CCDC85A: variants seen among roughly 807,000 people sequenced by gnomAD.
The protein encoded by CCDC85A is coiled-coil domain-containing protein 85A.
Under a neutral mutation model 50.2 loss-of-function variants are expected in CCDC85A, and 38 were observed. The observed-to-expected ratio is 0.76, with a 90% CI of 0.58 to 0.99. The LOEUF (loss-of-function observed/expected upper bound fraction) is 0.99. CCDC85A is among the 50% of genes least tolerant of loss of function. The pLI is 0.00. For synonymous variants in CCDC85A, 366 were observed against 301.4 expected, an observed-to-expected ratio of 1.21 and a Z score of -2.22; for missense variants, 820 against 742.0, an observed-to-expected ratio of 1.11 and a Z score of -1.22.
intron 2 of CCDC85A, among the ~76,000 whole-genome samples, chr2:56,221,832 C>G (rs184598916): frequency 6.6e-6 from 1 of 151,982 alleles, no homozygotes; most frequent in Non-Finnish European, 1.5e-5. Context: ...TTTTCTGCTG[C>G]TATAATAGAA....
At chr2:56,296,436 T>G (rs1213225779) in intron 2 of CCDC85A, among the ~76,000 whole-genome samples, 1 of 152,216 alleles carries the variant, frequency 6.6e-6, no homozygotes, top group Non-Finnish European at 1.5e-5. Context: ...GAGGACCTTT[T>G]GAAGCCTATG....
At chr2:56,316,572 A>T (rs1459512318) in intron 2 of CCDC85A, among the ~76,000 whole-genome samples, 1 of 151,950 alleles carries the variant, frequency 6.6e-6, no homozygotes, top group Non-Finnish European at 1.5e-5. Flanking sequence ...ATATGATCTT[A>T]GTACTCGAAA....
Position 56,192,863 on chromosome 2 carries a change from C to T in CCDC85A, c.663C>T (p.Ser221=), listed in dbSNP as rs1352861895. ...CCTCCAGCACTGGCAGCACTGACAG[C>T]CCGGACCACCACAAGCACCACGCGA... is the stretch of plus-strand genomic sequence containing the variant. The part of the protein sequence containing the change: ...SSTSSTGSTD[S]PDHHKHHASS... The change falls in exon 2 of 6, where the codon AGC becomes AGT. Residue 221 remains serine (S), a synonymous_variant. Transcript: ENST00000407595. The surrounding 1 kb of genome is among the most constrained non-coding windows in gnomAD (Gnocchi z 4.7). 1.2e-6 allele frequency: 2 copies of T among 1,613,124 alleles called. No homozygotes were observed. Among genetic ancestry groups the T allele is most frequent in the Admixed American group, 1.7e-5 (1 of 59,996 alleles).
intron 2 of CCDC85A, among the ~76,000 whole-genome samples, chr2:56,214,717 G>A (rs1028338500): frequency 7.2e-5 from 11 of 151,850 alleles, no homozygotes; most frequent in Non-Finnish European, 1.2e-4. Context: ...TGAGCTCTGT[G>A]TCCTATTTCA....
chr2:56,334,583 A>G (rs999690702), intron 2 of CCDC85A, among the ~76,000 whole-genome samples: 3 of 152,322 alleles, frequency 2.0e-5, no homozygotes, highest in South Asian at 4.1e-4. Context: ...GGCCTTCAGA[A>G]TTAAAGGGAT....
At chr2:56,216,714 G>A (rs1677408486) in intron 2 of CCDC85A, among the ~76,000 whole-genome samples, 1 of 145,590 alleles carries the variant, frequency 6.9e-6, no homozygotes, top group South Asian at 2.2e-4. Context: ...TTTTTTATTT[G>A]AACTTTGCCA....
chr2:56,221,333 C>T (rs773275054), intron 2 of CCDC85A, among the ~76,000 whole-genome samples: 14 of 151,916 alleles, frequency 9.2e-5, no homozygotes, highest in Non-Finnish European at 1.5e-4. Context: ...ATTTAACCGA[C>T]TTAACAGATT....
intron 2 of CCDC85A, among the ~76,000 whole-genome samples, chr2:56,305,294 A>G (rs1672393301): frequency 6.6e-6 from 1 of 152,182 alleles, no homozygotes; most frequent in Non-Finnish European, 1.5e-5. Flanking sequence ...ATACAGAATA[A>G]ACTTATTTGA....
Position 56,184,444 on chromosome 2 carries a change from A to C in CCDC85A, c.-181A>C. The C allele has an allele frequency of 4.9e-6, 3 of 617,238 alleles. No individual in the cohort carries two copies. Among genetic ancestry groups the C allele is most frequent in the Non-Finnish European group, 6.8e-6 (3 of 440,994 alleles). 38.2% of individuals were successfully genotyped at this position (617,238 alleles called of 1,614,324 possible). ...GGGGAGCGCGGGCGCGCGCGCGGGGATGGCGAGGTAGGATGGCCACCCAGC... is the reference window on the plus strand; with the variant it reads ...GGGGAGCGCGGGCGCGCGCGCGGGGCTGGCGAGGTAGGATGGCCACCCAGC... On this transcript the variant is annotated 5_prime_UTR_variant, in exon 1 of 6. An upstream start codon of the reference 5' UTR is lost. Transcript: ENST00000407595.
chr2:56,248,596 A>G (rs986917580), intron 2 of CCDC85A, among the ~76,000 whole-genome samples: 7 of 152,204 alleles, frequency 4.6e-5, no homozygotes, highest in African/African-American at 1.7e-4. Flanking sequence ...GTGGCTTCCG[A>G]CAAGGCAGAG....
At chr2:56,350,486 A>G (rs1024999155) in intron 3 of CCDC85A, among the ~76,000 whole-genome samples, 4 of 152,240 alleles carry the variant, frequency 2.6e-5, no homozygotes, top group Non-Finnish European at 5.9e-5. Context: ...GTAAGGTAAC[A>G]GGCTCATAGA....
In CCDC85A at chr2:56,265,067, A is replaced by T. The variant is rs74420183; in HGVS notation, c.1240+71627A>T. 4.2e-3 allele frequency among the ~76,000 whole-genome samples: 634 copies of T among 152,138 alleles called. 3 individuals carry two copies. The highest frequency in any genetic ancestry group is 0.015 in the African/African-American group (611 of 41,480). On this transcript the variant is annotated intron_variant, in intron 2 of 5. Transcript: ENST00000407595. ...CTTACCTTCCTTTATTTTTCTCCATAGCACTTGCCACTATGTGACTTCATG... is the reference window on the plus strand; with the variant it reads ...CTTACCTTCCTTTATTTTTCTCCATTGCACTTGCCACTATGTGACTTCATG...
chr2:56,310,950 T>A (rs756637188), intron 2 of CCDC85A, among the ~76,000 whole-genome samples: 9 of 152,212 alleles, frequency 5.9e-5, no homozygotes, highest in Non-Finnish European at 1.2e-4. Flanking sequence ...CAAGGAACTC[T>A]TAGTCCTTGC....
intron 3 of CCDC85A, among the ~76,000 whole-genome samples, chr2:56,354,826 T>G (rs1675140359): frequency 6.6e-6 from 1 of 152,204 alleles, no homozygotes; most frequent in Non-Finnish European, 1.5e-5. Context: ...TAGGGTTTAT[T>G]TTAGAATTAA....
intron 2 of CCDC85A, among the ~76,000 whole-genome samples, chr2:56,197,005 A>G (rs981590499): frequency 1.3e-5 from 2 of 152,174 alleles, no homozygotes; most frequent in South Asian, 2.1e-4. Context: ...ACTCCAGCCA[A>G]TGAGAGCAAG....
chr2:56,299,411 T>C (rs370099827), intron 2 of CCDC85A, among the ~76,000 whole-genome samples: 6 of 152,314 alleles, frequency 3.9e-5, no homozygotes, highest in Admixed American at 1.3e-4. Flanking sequence ...TGTTCTTGCC[T>C]GGATGCATCT....
chr2:56,307,273 A>G (rs1045524710), intron 2 of CCDC85A, among the ~76,000 whole-genome samples: 2 of 152,186 alleles, frequency 1.3e-5, no homozygotes, highest in Non-Finnish European at 2.9e-5. Flanking sequence ...AAAATGATAG[A>G]TAAAGTTTGT....
intron 2 of CCDC85A, among the ~76,000 whole-genome samples, chr2:56,251,321 T>A (rs1242459590): frequency 6.6e-6 from 1 of 152,184 alleles, no homozygotes; most frequent in African/African-American, 2.4e-5. Flanking sequence ...AACACATGGA[T>A]GTATTATCTG....
chr2:56,376,186 G>A (rs763454621), intron 5 of CCDC85A, among the ~76,000 whole-genome samples: 15 of 152,084 alleles, frequency 9.9e-5, no homozygotes, highest in East Asian at 7.7e-4. Flanking sequence ...CATATCTATC[G>A]GCATCGAAGT....
Sources: allele counts gnomAD v4.1 joint callset (sites outside exome capture counted in the v4.1 genomes callset), GRCh38; gene constraint gnomAD v4.1.1; non-coding constraint Gnocchi (gnomAD v3.1); transcripts MANE v1.5; gene names NCBI Gene and HGNC (gene_info 2026-07-23, HGNC 2026-07-21).